Variants in SIPA1L1 observed in about 807,000 individuals in gnomAD.
The protein encoded by SIPA1L1 is signal-induced proliferation-associated 1-like protein 1.
A neutral mutation model predicts 162.7 loss-of-function variants in SIPA1L1; 26 were observed. That is an observed-to-expected ratio of 0.16 (90% CI 0.12 to 0.22). The LOEUF is 0.22. Ranked by LOEUF, SIPA1L1 falls within the 10% of genes least tolerant of loss-of-function variation. The pLI is 1.00. For synonymous variants in SIPA1L1, 829 were observed against 837.4 expected, an observed-to-expected ratio of 0.99 and a Z score of 0.17; for missense variants, 1,874 against 2,241.0, an observed-to-expected ratio of 0.84 and a Z score of 3.31.
At chr14:71,682,092 A>G (rs887391533) in intron 12 of SIPA1L1, among the ~76,000 whole-genome samples, 3 of 152,214 alleles carry the variant, frequency 2.0e-5, no homozygotes, top group African/African-American at 7.2e-5. Flanking sequence ...GTGGGTTTAA[A>G]TCCTGGCTTT....
intron 9 of SIPA1L1, among the ~76,000 whole-genome samples, chr14:71,659,730 A>G (rs2043348846): frequency 6.6e-6 from 1 of 152,198 alleles, no homozygotes; most frequent in Non-Finnish European, 1.5e-5. Context: ...GATTGGATTG[A>G]TTATTTGTAA....
chr14:71,340,243 GT>G (rs548580566), intron 2 of SIPA1L1, among the ~76,000 whole-genome samples: 6 of 146,670 alleles, frequency 4.1e-5, no homozygotes, highest in African/African-American at 1.3e-4. Context: ...GTCAGGGACT[GT>G]TTTTTTTTTC....
chr14:71,506,057 T>C (rs552103454), intron 2 of SIPA1L1, among the ~76,000 whole-genome samples: 1 of 151,204 alleles, frequency 6.6e-6, no homozygotes, highest in Non-Finnish European at 1.5e-5. Flanking sequence ...CTGTATTCTG[T>C]TTTCCACCTT....
chr14:71,355,253 A>G (rs1046950485), intron 2 of SIPA1L1, among the ~76,000 whole-genome samples: 4 of 152,236 alleles, frequency 2.6e-5, no homozygotes, highest in African/African-American at 9.6e-5. Context: ...GTAATTGTAT[A>G]GGACTTAATC....
rs964772798 is a variant in SIPA1L1 at position 71,740,858 on chromosome 14, C to G, written c.*1697C>G. On this transcript the variant is annotated 3_prime_UTR_variant, in exon 24 of 24. Transcript: ENST00000381232. ...ATCTCTTTGTAAATGAGAAATATTG[C>G]TAACATCCAAGCATTCTGAAGTCTT... The G allele has an allele frequency of 6.6e-6, 1 of 152,178 alleles. No individual in the cohort carries two copies. The highest frequency in any genetic ancestry group is 6.5e-5 in the Admixed American group (1 of 15,270). 9.4% of individuals were successfully genotyped at this position (152,178 alleles called of 1,614,324 possible).
chr14:71,621,813 C>T (rs1406870378), intron 6 of SIPA1L1, among the ~76,000 whole-genome samples: 1 of 152,158 alleles, frequency 6.6e-6, no homozygotes, highest in Non-Finnish European at 1.5e-5. Flanking sequence ...ATCCCTTTCT[C>T]CATGTCTTTC....
chr14:71,490,318 C>T (rs1487286561), intron 2 of SIPA1L1, among the ~76,000 whole-genome samples: 1 of 152,042 alleles, frequency 6.6e-6, no homozygotes, highest in African/African-American at 2.4e-5. Context: ...TTCTTGTAGT[C>T]TTAATGATTA....
chr14:71,738,882 C>T (rs1597333362), intron 23 of SIPA1L1, 136 bp from the exon 24 acceptor site: 4 of 953,946 alleles, frequency 4.2e-6, no homozygotes, highest in East Asian at 5.1e-5. Flanking sequence ...GATACCAGTC[C>T]GTTTAGACAG....
intron 2 of SIPA1L1, among the ~76,000 whole-genome samples, chr14:71,507,499 TA>T (rs1403819450): frequency 2.6e-5 from 4 of 152,210 alleles, no homozygotes; most frequent in African/African-American, 9.6e-5. Context: ...ATTTGGTTGT[TA>T]AGTAGATTAC....
intron 19 of SIPA1L1, 107 bp downstream of exon 19, chr14:71,724,942 T>TAG: frequency 1.1e-6 from 1 of 889,296 alleles, no homozygotes; most frequent in Non-Finnish European, 1.7e-6. Context: ...TGGCTGCTCT[T>TAG]CACTAAGTCT....
chr14:71,400,432 G>C (rs1004862256), intron 2 of SIPA1L1, among the ~76,000 whole-genome samples: 1 of 151,866 alleles, frequency 6.6e-6, no homozygotes, highest in Non-Finnish European at 1.5e-5. Flanking sequence ...CTATCATATG[G>C]CACTTTTTAT....
At chr14:71,668,004 G>T (rs1367771163) in intron 10 of SIPA1L1, among the ~76,000 whole-genome samples, 1 of 152,042 alleles carries the variant, frequency 6.6e-6, no homozygotes, top group Non-Finnish European at 1.5e-5. Context: ...GGCAGAGGTT[G>T]CAGTGAGCCG....
intron 2 of SIPA1L1, among the ~76,000 whole-genome samples, chr14:71,393,212 C>T (rs2040903844): frequency 6.6e-6 from 1 of 152,086 alleles, no homozygotes; most frequent in South Asian, 2.1e-4. Context: ...TTTAATAGTA[C>T]TCCTTAAAAA....
chr14:71,401,135 TAG>T (rs567695573), intron 2 of SIPA1L1, among the ~76,000 whole-genome samples: 93 of 152,338 alleles, frequency 6.1e-4, no homozygotes, highest in Middle Eastern at 3.4e-3. Flanking sequence ...ATTTGTTGTT[TAG>T]CTTAAGCAAC....
chr14:71,698,748 TC>T (rs1020780086), intron 13 of SIPA1L1, among the ~76,000 whole-genome samples: 1 of 152,184 alleles, frequency 6.6e-6, no homozygotes, highest in Non-Finnish European at 1.5e-5. Flanking sequence ...AGATCTTTTT[TC>T]CCCATTATTT....
chr14:71,528,089 C>T (rs1309079653), intron 3 of SIPA1L1, among the ~76,000 whole-genome samples: 5 of 152,138 alleles, frequency 3.3e-5, no homozygotes. Flanking sequence ...GCAATTCCAG[C>T]ATCTTAAAAA....
chr14:71,536,585 C>T (rs1372254548), intron 4 of SIPA1L1, among the ~76,000 whole-genome samples: 3 of 152,180 alleles, frequency 2.0e-5, no homozygotes, highest in Admixed American at 2.0e-4. Flanking sequence ...GGAAACTCCA[C>T]CCCTGGAAGA....
intron 2 of SIPA1L1, among the ~76,000 whole-genome samples, chr14:71,343,877 C>G (rs1024860167): frequency 2.0e-5 from 3 of 152,148 alleles, no homozygotes; most frequent in African/African-American, 7.2e-5. Context: ...TGTTCTAAAA[C>G]TTGATGAGGT....
rs370958631 is a variant in SIPA1L1, at chr14:71,612,120, C to G, written c.1499-6637C>G. On this transcript the variant is annotated intron_variant, in intron 5 of 23. Coordinates refer to ENST00000381232, the MANE Select transcript of SIPA1L1 (RefSeq NM_001386936.1). The stretch of plus-strand genomic sequence containing the variant: ...GCTTATTACTTGTATATTTAGCATC[C>G]CCATTATACATTGACTTATGGTGTT... Among the ~76,000 whole-genome samples, 20 of 152,208 alleles carry G rather than the reference C, an allele frequency of 1.3e-4. No individual in the cohort carries two copies. The East Asian group carries it at 2.3e-3, about 18-fold the overall frequency.
Sources: allele counts gnomAD v4.1 joint callset (sites outside exome capture counted in the v4.1 genomes callset), GRCh38; gene constraint gnomAD v4.1.1; transcripts MANE v1.5; gene names NCBI Gene and HGNC (gene_info 2026-07-23, HGNC 2026-07-21).